The following DNAJC17 variants were observed in gnomAD, a reference collection of about 807,000 sequenced individuals.
DNAJC17 encodes the protein dnaJ homolog subfamily C member 17.
In DNAJC17, 35 loss-of-function variants were observed where a neutral mutation model predicts 48.1. The observed-to-expected ratio is 0.73, with a 90% CI of 0.56 to 0.96. The LOEUF (loss-of-function observed/expected upper bound fraction) is 0.96. Among genes scored for constraint, DNAJC17 ranks in the 50% least tolerant of loss-of-function variants. DNAJC17 has a pLI of 0.00. For synonymous variants in DNAJC17, 117 were observed against 142.7 expected (o/e 0.82, Z 1.28); for missense variants, 355 against 377.1 (o/e 0.94, Z 0.48).
chr15:40,779,641 G>T, intron 2 of DNAJC17, 38 bp from the exon 3 acceptor site: 1 of 1,603,434 alleles, frequency 6.2e-7, no homozygotes, highest in Non-Finnish European at 8.5e-7. Flanking sequence ...GAAAAATAAA[G>T]TTAAGACTTC....
At chr15:40,771,335 C>T in intron 10 of DNAJC17, 1 of 417,734 alleles carries the variant, frequency 2.4e-6, no homozygotes, top group Admixed American at 3.9e-5. Context: ...GAAAGGGAGG[C>T]TCTGTGCGGC....
At chr15:40,782,011 C>A (rs915045119) in intron 1 of DNAJC17, among the ~76,000 whole-genome samples, 5 of 151,928 alleles carry the variant, frequency 3.3e-5, no homozygotes, top group African/African-American at 1.2e-4. Flanking sequence ...ATCGCTTGAG[C>A]CCAGGAGTTC....
chr15:40,789,622 C>G (rs1028278856), intron 1 of DNAJC17, among the ~76,000 whole-genome samples: 1 of 151,998 alleles, frequency 6.6e-6, no homozygotes, highest in Non-Finnish European at 1.5e-5. Flanking sequence ...TCCTAGAGGC[C>G]TGGGTCTCTA....
chr15:40,768,984 G>A (rs1889042203), intron 10 of DNAJC17, among the ~76,000 whole-genome samples: 1 of 152,284 alleles, frequency 6.6e-6, no homozygotes, highest in Non-Finnish European at 1.5e-5. Context: ...CGCTGTCACA[G>A]AGCAAGGCAG....
In DNAJC17 at chr15:40,776,575, C is replaced by A; in HGVS notation, c.348G>T (p.Glu116Asp). 1 of 1,614,082 alleles carries A rather than the reference C, an allele frequency of 6.2e-7. No homozygotes were observed. Among genetic ancestry groups the A allele is most frequent in the Non-Finnish European group, 8.5e-7 (1 of 1,180,018 alleles). ...CTAGTGTCCTGGTGCTCCGGCTCTCCTCTTCCTCCTCACTCTCCTGGGCCT... is the reference window on the plus strand; with the variant it reads ...CTAGTGTCCTGGTGCTCCGGCTCTCATCTTCCTCCTCACTCTCCTGGGCCT... The part of the protein sequence containing the change: ...QAQAQESEEE[E>D]ESRSTRTLEQ... The change falls in exon 5 of 11, where the codon GAG (glutamate) becomes GAT (aspartate). Residue 116 changes from glutamate to aspartate, a missense_variant. Coordinates refer to ENST00000220496, the MANE Select transcript of DNAJC17 (RefSeq NM_018163.3).
chr15:40,804,591 C>T (rs1890154489), intron 1 of DNAJC17, among the ~76,000 whole-genome samples: 1 of 151,852 alleles, frequency 6.6e-6, no homozygotes, highest in African/African-American at 2.4e-5. Context: ...GAGATCTTTT[C>T]TCAAAAAATA....
At chr15:40,781,475 G>C (rs987836657) in intron 1 of DNAJC17, among the ~76,000 whole-genome samples, 2 of 152,016 alleles carry the variant, frequency 1.3e-5, no homozygotes, top group Admixed American at 1.3e-4. Context: ...ACTCTAGCCT[G>C]AGTGACAGAG....
chr15:40,794,837 C>G (rs886865281), intron 1 of DNAJC17, among the ~76,000 whole-genome samples: 3 of 151,972 alleles, frequency 2.0e-5, no homozygotes, highest in Non-Finnish European at 4.4e-5. Context: ...CCTGCCTCAG[C>G]CTCCTGAGTA....
intron 1 of DNAJC17, among the ~76,000 whole-genome samples, chr15:40,796,684 G>A (rs1045585791): frequency 3.3e-5 from 5 of 152,134 alleles, no homozygotes; most frequent in Admixed American, 6.6e-5. Context: ...TGTGGAAGCC[G>A]GTATGTCAGT....
chr15:40,789,883 G>C (rs1328799578), intron 1 of DNAJC17, among the ~76,000 whole-genome samples: 2 of 103,382 alleles, frequency 1.9e-5, no homozygotes, highest in Non-Finnish European at 3.6e-5. Flanking sequence ...TCCAGCCTGG[G>C]AGACAGAGAC....
intron 1 of DNAJC17, among the ~76,000 whole-genome samples, chr15:40,782,542 C>T (rs1241306193): frequency 2.0e-5 from 3 of 152,058 alleles, no homozygotes; most frequent in Non-Finnish European, 2.9e-5. Context: ...GTACACAACC[C>T]CAGAATCCGT....
intron 1 of DNAJC17, among the ~76,000 whole-genome samples, chr15:40,786,074 G>A (rs967961332): frequency 1.1e-4 from 16 of 152,284 alleles, no homozygotes; most frequent in African/African-American, 3.8e-4. Context: ...GTTGACTGCT[G>A]CCTGAAGAAT....
chr15:40,786,028 C>A (rs1455774507), intron 1 of DNAJC17, among the ~76,000 whole-genome samples: 1 of 152,218 alleles, frequency 6.6e-6, no homozygotes, highest in African/African-American at 2.4e-5. Context: ...CTTTGTACTA[C>A]AAACTAGATT....
chr15:40,791,130 G>A (rs1379680389), intron 1 of DNAJC17, among the ~76,000 whole-genome samples: 2 of 152,096 alleles, frequency 1.3e-5, no homozygotes, highest in Non-Finnish European at 2.9e-5. Context: ...TTGAGCCCAG[G>A]AGTTTGAGAT....
At chr15:40,805,001 C>CA (rs964327747) in intron 1 of DNAJC17, among the ~76,000 whole-genome samples, 91 of 149,894 alleles carry the variant, frequency 6.1e-4, no homozygotes, top group African/African-American at 2.1e-3. Flanking sequence ...GACTCCGTCT[C>CA]AAAAAAAAAC....
chr15:40,790,826 A>T lies in DNAJC17; in HGVS notation c.79-10829T>A, dbSNP rs376449966. Among the ~76,000 whole-genome samples the T allele has an allele frequency of 2.6e-4, 40 of 152,264 alleles. No individual in the cohort carries two copies. In the East Asian group the frequency reaches 6.4e-3, roughly 24 times the overall value. On this transcript the variant is annotated intron_variant, in intron 1 of 10. Transcript: ENST00000220496. ...GAATCGCTTACAGCTTACAAACACA[A>T]ATGAATCATTCCTTTTGACTTAACA...
chr15:40,791,441 T>C (rs778372476), intron 1 of DNAJC17, among the ~76,000 whole-genome samples: 56 of 151,868 alleles, frequency 3.7e-4, no homozygotes, highest in Middle Eastern at 3.4e-3. Flanking sequence ...GGGAGAAGAA[T>C]TGCTTGAACC....
intron 3 of DNAJC17, 70 bp downstream of exon 3, chr15:40,779,475 G>A (rs1005618332): frequency 3.1e-6 from 5 of 1,597,278 alleles, no homozygotes; most frequent in Middle Eastern, 3.3e-4. Flanking sequence ...AAGGGCAGAG[G>A]ACCGAGGTTG....
At chr15:40,780,474 T>C (rs1380629508) in intron 1 of DNAJC17, 1 of 382,218 alleles carries the variant, frequency 2.6e-6, no homozygotes, top group Non-Finnish European at 5.2e-6. Flanking sequence ...TACAACACTG[T>C]TGATACTAGC....
Sources: gnomAD v4.1 joint callset for allele counts (sites outside exome capture counted in the v4.1 genomes callset) on GRCh38, gnomAD v4.1.1 for gene constraint, MANE v1.5 for transcripts, NCBI Gene and HGNC (gene_info 2026-07-23, HGNC 2026-07-21) for gene names.